The following FBRSL1 variants were observed in gnomAD, a reference collection of about 807,000 sequenced individuals.
FBRSL1 encodes fibrosin-1-like protein.
In FBRSL1, 51 loss-of-function variants were observed where a neutral mutation model predicts 89.6. That is an observed-to-expected ratio of 0.57 (90% CI 0.45 to 0.72). FBRSL1 has a LOEUF of 0.72. Among genes scored for constraint, FBRSL1 ranks in the 30% least tolerant of loss-of-function variants. The probability of loss-of-function intolerance (pLI) is 0.00; values close to 1 mark genes in which losing one functional copy is unlikely to be tolerated. For synonymous variants in FBRSL1, 779 were observed against 681.1 expected (o/e 1.14, Z -2.24); for missense variants, 1,618 against 1,451.8 (o/e 1.11, Z -1.86).
At chr12:132,562,197 T>G (rs1385838583) in intron 5 of FBRSL1, among the ~76,000 whole-genome samples, 1 of 152,106 alleles carries the variant, frequency 6.6e-6, no homozygotes, top group Non-Finnish European at 1.5e-5. Context: ...GCCACACTTC[T>G]GGGGGATGAT....
chr12:132,513,697 C>G (rs1206348323), intron 2 of FBRSL1, among the ~76,000 whole-genome samples: 1 of 152,052 alleles, frequency 6.6e-6, no homozygotes, highest in East Asian at 1.9e-4. Context: ...CAGACGAGGG[C>G]AGTGGTTGGT....
Position 132,583,380 on chromosome 12 carries a change from G to A in FBRSL1, c.2611G>A (p.Ala871Thr), listed in dbSNP as rs1010400901. Reference protein sequence around the residue: ...PRRAFPAAAPAPGSAALLEPP... With the variant: ...PRRAFPAAAPTPGSAALLEPP... ...TCGCGCCTTCCCCGCTGCCGCCCCC[G>A]CCCCGGGCTCCGCCGCCCTCTTGGA... The change falls in exon 19 of 19, where the codon GCC becomes ACC. Residue 871 changes from alanine to threonine, a missense_variant. By Grantham distance (58) the Ala-to-Thr change is moderately conservative. Transcript: ENST00000680143. The A allele has an allele frequency of 1.6e-4, 176 of 1,093,470 alleles. No homozygotes were observed. Among genetic ancestry groups the A allele is most frequent in the Non-Finnish European group, 1.9e-4 (172 of 898,930 alleles). The allele number at this position is 1,093,470 out of a possible 1,614,324, so 67.7% of individuals were successfully genotyped here. A position where few individuals can be genotyped will look rare whatever the true frequency, so the allele number is the denominator to read the frequency against.
At chr12:132,581,910 G>A (rs2040780983) in intron 17 of FBRSL1, 86 bp downstream of exon 17, 9 of 1,365,718 alleles carry the variant, frequency 6.6e-6, no homozygotes, top group Non-Finnish European at 8.9e-6. Flanking sequence ...CCGATGCCTG[G>A]CTGACCTCCC....
intron 4 of FBRSL1, 38 bp downstream of exon 4, chr12:132,528,026 C>T: frequency 2.6e-6 from 4 of 1,546,830 alleles, no homozygotes; most frequent in Non-Finnish European, 3.5e-6. Context: ...CTTTGTCCCC[C>T]TGGGGCCTTA....
At chr12:132,522,316 C>T (rs1312270324) in intron 2 of FBRSL1, among the ~76,000 whole-genome samples, 1 of 151,638 alleles carries the variant, frequency 6.6e-6, no homozygotes, top group Non-Finnish European at 1.5e-5. Flanking sequence ...AACCCAGAGG[C>T]AGTGATTTTT....
chr12:132,582,989 G>A lies in FBRSL1; in HGVS notation c.2220G>A (p.Thr740=), dbSNP rs2040886726. The change falls in exon 19 of 19, where the codon ACG becomes ACA. Residue 740 remains threonine, a synonymous_variant. Transcript: ENST00000680143. ...EEQERDLLEK[T]RLLSRASPAT... ...CCCCCAGGGACCTCCTGGAGAAGAC[G>A]CGCCTGCTGAGCCGGGCCTCGCCCG... 3 of 1,445,724 alleles carry A rather than the reference G, an allele frequency of 2.1e-6. No individual in the cohort carries two copies. Among genetic ancestry groups the A allele is most frequent in the Non-Finnish European group, 1.8e-6 (2 of 1,107,270 alleles). 89.6% of individuals were successfully genotyped at this position (1,445,724 alleles called of 1,614,324 possible). A position where few individuals can be genotyped will look rare whatever the true frequency, so the allele number is the denominator to read the frequency against.
Position 132,490,715 on chromosome 12 carries a change from C to G in FBRSL1, c.145C>G (p.Leu49Val). 1.0e-6 allele frequency: 1 copy of G among 986,780 alleles called. No individual in the cohort carries two copies. Among genetic ancestry groups the G allele is most frequent in the Non-Finnish European group, 1.2e-6 (1 of 831,442 alleles). The allele number at this position is 986,780 out of a possible 1,614,324, so 61.1% of individuals were successfully genotyped here. The change falls in exon 1 of 19, where the codon CTC becomes GTC. Residue 49 changes from leucine to valine, a missense_variant. By Grantham distance (32) the Leu-to-Val change is conservative (BLOSUM62 1). Coordinates refer to ENST00000680143, the MANE Select transcript of FBRSL1 (RefSeq NM_001367871.1). Reference protein sequence around the residue: ...EPSPGKENAGLRGAPPRGAAP... With the variant: ...EPSPGKENAGVRGAPPRGAAP... ...CAGCCCCGGCAAGGAGAACGCGGGC[C>G]TCCGCGGCGCGCCCCCCCGAGGCGC...
At chr12:132,566,348 C>T (rs2039612846) in intron 5 of FBRSL1, 1 of 148,194 alleles carries the variant, frequency 6.7e-6, no homozygotes, top group Non-Finnish European at 1.5e-5. Flanking sequence ...AGGATTTAAA[C>T]ATGTGAATTC....
chr12:132,574,143 G>T lies in FBRSL1; in HGVS notation c.1584G>T (p.Leu528=). Residue 528 remains leucine (L), a synonymous_variant, in exon 12 of 19, where the codon CTG becomes CTT. Coordinates refer to ENST00000680143, the MANE Select transcript of FBRSL1 (RefSeq NM_001367871.1). ...GGGCTGGTGCGGTTCACACACTCCT[G>T]CAGAAAGCGCCTGGGGTAGGTGTTA... The part of the protein sequence containing the change: ...ARRAGAVHTL[L]QKAPGVSDPY... 2.1e-6 allele frequency: 3 copies of T among 1,414,016 alleles called. No homozygotes were observed. The highest frequency in any genetic ancestry group is 2.6e-5 in the East Asian group (1 of 37,984). 87.6% of individuals were successfully genotyped at this position (1,414,016 alleles called of 1,614,324 possible).
At chr12:132,530,432 G>A (rs995772383) in intron 4 of FBRSL1, among the ~76,000 whole-genome samples, 2 of 152,000 alleles carry the variant, frequency 1.3e-5, no homozygotes, top group African/African-American at 4.8e-5. Flanking sequence ...TCAGGGGGAG[G>A]GCCGGGTCTT....
intron 2 of FBRSL1, among the ~76,000 whole-genome samples, chr12:132,514,454 C>T (rs184794670): frequency 5.3e-5 from 8 of 152,214 alleles, no homozygotes; most frequent in African/African-American, 1.7e-4. Context: ...GCCGAGGCCA[C>T]CGGCCATCCT....
intron 4 of FBRSL1, among the ~76,000 whole-genome samples, chr12:132,542,500 G>T (rs1033608462): frequency 4.6e-5 from 7 of 152,210 alleles, no homozygotes; most frequent in African/African-American, 1.7e-4. Context: ...AGGTAGTTCT[G>T]CTCAGGAACC....
chr12:132,511,315 C>T (rs75361210), intron 2 of FBRSL1: 5 of 985,766 alleles, frequency 5.1e-6, no homozygotes, highest in South Asian at 9.4e-5. Flanking sequence ...CCCCACAGTC[C>T]CCTGCAGCGT....
chr12:132,496,421 G>A (rs139171569), intron 1 of FBRSL1, among the ~76,000 whole-genome samples: 1,615 of 152,304 alleles, frequency 0.011, 26 homozygotes, highest in African/African-American at 0.036. Context: ...CCCGTGTTGC[G>A]TATTTACCCG....
intron 4 of FBRSL1, among the ~76,000 whole-genome samples, chr12:132,538,032 A>G (rs1209090751): frequency 6.6e-6 from 1 of 152,194 alleles, no homozygotes; most frequent in African/African-American, 2.4e-5. Context: ...TGGGACTCGA[A>G]GAAGAGCATT....
rs1309516216 is a variant in FBRSL1 at position 132,508,242 on chromosome 12, T to C, written c.381T>C (p.Pro127=). Reference sequence around the variant, plus strand: ...CCCGGGAGTCGGAAACCTGCCCCCCTGCGGAGCCCAGTGAGAACAGGCGGC... The same window carrying C: ...CCCGGGAGTCGGAAACCTGCCCCCCCGCGGAGCCCAGTGAGAACAGGCGGC... ...KKPRESETCP[P]AEPSENRRPL... The change falls in exon 2 of 19, where the codon CCT becomes CCC. Residue 127 remains proline (P), a synonymous_variant. Transcript: ENST00000680143. 2 of 1,550,718 alleles carry C rather than the reference T, an allele frequency of 1.3e-6. No homozygotes were observed. The highest frequency in any genetic ancestry group is 1.2e-5 in the South Asian group (1 of 84,066).
intron 2 of FBRSL1, among the ~76,000 whole-genome samples, chr12:132,524,752 GGCTGTGCAGGGGCGTCCCT>G (rs2136912296): frequency 6.6e-6 from 1 of 152,328 alleles, no homozygotes; most frequent in Non-Finnish European, 1.5e-5. Context: ...TCTGGGCGCT[GGCTGTGCAGGGGCGTCCCT>G]GCTGGGCGCT....
chr12:132,505,131 C>G (rs954609308), intron 1 of FBRSL1, among the ~76,000 whole-genome samples: 1 of 152,088 alleles, frequency 6.6e-6, no homozygotes, highest in South Asian at 2.1e-4. Flanking sequence ...ATCTCAAAAA[C>G]AAAAAGATAA....
At chr12:132,574,409 C>G (rs1287979091) in intron 13 of FBRSL1, 61 bp downstream of exon 13, 4 of 1,548,466 alleles carry the variant, frequency 2.6e-6, no homozygotes, top group Non-Finnish European at 3.5e-6. Flanking sequence ...GGGGCGGCCT[C>G]GGGGGGCCCG....
Sources: gnomAD v4.1 joint callset for allele counts (sites outside exome capture counted in the v4.1 genomes callset) on GRCh38, gnomAD v4.1.1 for gene constraint, MANE v1.5 for transcripts, NCBI Gene and HGNC (gene_info 2026-07-23, HGNC 2026-07-21) for gene names.